The following ANKRD36 variants were observed in gnomAD, a reference collection of about 807,000 sequenced individuals.
ANKRD36 encodes ankyrin repeat domain-containing protein 36A.
A neutral mutation model predicts 278.1 loss-of-function variants in ANKRD36; 179 were observed. The observed-to-expected ratio is 0.64, with a 90% confidence interval of 0.57 to 0.73. The LOEUF (loss-of-function observed/expected upper bound fraction) is 0.73, where lower values mean the gene tolerates loss of function less well. Among genes scored for constraint, ANKRD36 ranks in the 30% least tolerant of loss-of-function variants. The probability of loss-of-function intolerance (pLI) is 0.00; values close to 1 mark genes in which losing one functional copy is unlikely to be tolerated. For synonymous variants in ANKRD36, 320 were observed against 641.1 expected (o/e 0.50, Z 7.57); for missense variants, 1,159 against 1,956.7 (o/e 0.59, Z 7.69).
chr2:97,174,524 C>T (rs111334447), intron 22 of ANKRD36, among the ~76,000 whole-genome samples: 57 of 151,872 alleles, frequency 3.8e-4, no homozygotes, highest in Non-Finnish European at 7.4e-4. Flanking sequence ...TTTCAAGGAG[C>T]TATTGGATAA....
chr2:97,226,239 C>T (rs1456150254), intron 67 of ANKRD36, among the ~76,000 whole-genome samples: 1 of 151,852 alleles, frequency 6.6e-6, no homozygotes, highest in Non-Finnish European at 1.5e-5. Flanking sequence ...ACAGTCCCAC[C>T]AACAGTGTAA....
intron 70 of ANKRD36, 76 bp downstream of exon 70, chr2:97,244,105 A>G: frequency 1.3e-6 from 2 of 1,537,232 alleles, no homozygotes; most frequent in Non-Finnish European, 1.7e-6. Context: ...CATTTAACGT[A>G]TATTATTTAG....
chr2:97,204,833 AT>A (rs889373771), intron 50 of ANKRD36, among the ~76,000 whole-genome samples: 1 of 151,522 alleles, frequency 6.6e-6, no homozygotes, highest in Non-Finnish European at 1.5e-5. Flanking sequence ...TTCATAAAAA[AT>A]ATTTGATTTT....
intron 64 of ANKRD36, among the ~76,000 whole-genome samples, 176 bp from the exon 65 acceptor site, chr2:97,218,874 T>C (rs1415175990): frequency 1.3e-5 from 2 of 151,516 alleles, no homozygotes; most frequent in Admixed American, 1.3e-4. Flanking sequence ...CTTGTATTCC[T>C]ATTTTCTTCA....
At chr2:97,206,318 T>C (rs745307160) in intron 52 of ANKRD36, among the ~76,000 whole-genome samples, 183 bp downstream of exon 52, 11 of 151,574 alleles carry the variant, frequency 7.3e-5, no homozygotes, top group South Asian at 2.1e-4. Context: ...TGATCTTCGC[T>C]GTAAGATTAT....
chr2:97,178,757 A>C (rs967950380), intron 22 of ANKRD36, among the ~76,000 whole-genome samples: 6 of 151,622 alleles, frequency 4.0e-5, no homozygotes, highest in African/African-American at 1.4e-4. Flanking sequence ...GCAGCGCACC[A>C]GCATGGCACA....
chr2:97,138,482 T>A (rs2042085417), intron 6 of ANKRD36, among the ~76,000 whole-genome samples: 1 of 152,040 alleles, frequency 6.6e-6, no homozygotes, highest in African/African-American at 2.4e-5. Flanking sequence ...TTAGGAAGAA[T>A]CAATATCTTG....
chr2:97,118,259 A>G (rs1311789266), intron 2 of ANKRD36, 81 bp downstream of exon 2: 6 of 1,599,802 alleles, frequency 3.8e-6, no homozygotes, highest in Non-Finnish European at 4.3e-6. Flanking sequence ...TCATTGGAAT[A>G]CCACCATATA....
chr2:97,204,944 T>C (rs2062440074), intron 50 of ANKRD36, among the ~76,000 whole-genome samples: 1 of 151,534 alleles, frequency 6.6e-6, no homozygotes, highest in Admixed American at 6.6e-5. Flanking sequence ...GCATCAGAGA[T>C]ACACGTGTTG....
At chr2:97,182,078 G>T (rs1391184970) in intron 26 of ANKRD36, among the ~76,000 whole-genome samples, 1 of 151,252 alleles carries the variant, frequency 6.6e-6, no homozygotes, top group African/African-American at 2.4e-5. Context: ...TCTACAGCAT[G>T]TTTTCACCAA....
chr2:97,202,065 C>A (rs1370686224), intron 46 of ANKRD36, 137 bp from the exon 47 acceptor site: 7 of 1,525,432 alleles, frequency 4.6e-6, no homozygotes, highest in Non-Finnish European at 6.1e-6. Context: ...TTCTAGTCCC[C>A]AGACACAAAG....
At chr2:97,169,310 A>G (rs961510808) in intron 22 of ANKRD36, among the ~76,000 whole-genome samples, 4 of 152,308 alleles carry the variant, frequency 2.6e-5, no homozygotes, top group African/African-American at 9.6e-5. Flanking sequence ...TTCTTTTCTC[A>G]TAAATTTGTT....
intron 62 of ANKRD36, 116 bp downstream of exon 62, chr2:97,215,613 A>T: frequency 6.4e-7 from 1 of 1,556,162 alleles, no homozygotes; most frequent in African/African-American, 1.4e-5. Flanking sequence ...AGCATGCCTG[A>T]GATTCTTCAT....
At position 97,158,670 on chromosome 2, in the gene ANKRD36, G is replaced by A; in HGVS notation, c.1389+15G>A. 1 of 1,534,866 alleles carries A rather than the reference G, an allele frequency of 6.5e-7. No individual in the cohort carries two copies. Among genetic ancestry groups the A allele is most frequent in the Non-Finnish European group, 8.7e-7 (1 of 1,145,678 alleles). ...ATGTTGATAAGGTAAATGAAGATGT[G>A]GTTAAAAGCCAACATAGAATAATCA... On this transcript the variant is annotated intron_variant, in intron 17 of 75. Transcript: ENST00000420699.
chr2:97,154,423 G>A (rs2046940845), intron 14 of ANKRD36, among the ~76,000 whole-genome samples: 1 of 147,228 alleles, frequency 6.8e-6, no homozygotes, highest in South Asian at 2.1e-4. Context: ...ATGGGTTTAA[G>A]GGTGAGTCTG....
intron 26 of ANKRD36, 26 bp downstream of exon 26, chr2:97,181,819 T>C (rs1353165871): frequency 6.3e-7 from 1 of 1,588,710 alleles, no homozygotes; most frequent in Non-Finnish European, 8.6e-7. Flanking sequence ...ACATTTAATG[T>C]CATGTTCAGT....
chr2:97,114,351 G>C (rs1229553758), intron 1 of ANKRD36, among the ~76,000 whole-genome samples: 1 of 119,556 alleles, frequency 8.4e-6, no homozygotes, highest in Non-Finnish European at 1.8e-5. Flanking sequence ...GGCGAGTCCT[G>C]TCACCAAAGG....
intron 66 of ANKRD36, among the ~76,000 whole-genome samples, chr2:97,220,558 G>T (rs9631085): frequency 6.7e-6 from 1 of 149,644 alleles, no homozygotes; most frequent in African/African-American, 2.5e-5. Context: ...ATGTCATTGC[G>T]AATGAGAGGA....
chr2:97,191,661 A>G (rs1186885745), intron 36 of ANKRD36, among the ~76,000 whole-genome samples: 1 of 151,678 alleles, frequency 6.6e-6, no homozygotes, highest in East Asian at 2.0e-4. Context: ...GGAAGGTGGG[A>G]AAAGAGGAAG....
Sources: gnomAD v4.1 joint callset for allele counts (sites outside exome capture counted in the v4.1 genomes callset) on GRCh38, gnomAD v4.1.1 for gene constraint, MANE v1.5 for transcripts, NCBI Gene and HGNC (gene_info 2026-07-23, HGNC 2026-07-21) for gene names.